AFF2: variants seen among roughly 807,000 people sequenced by gnomAD.
AFF2 encodes ALF transcription elongation factor 2, also known as AF4/FMR2 family member 2.
A neutral mutation model predicts 76.9 loss-of-function variants in AFF2; 14 were observed. The ratio of observed to expected loss-of-function variants is 0.18; its 90% CI spans 0.12 to 0.28. The LOEUF (loss-of-function observed/expected upper bound fraction) is 0.28. Among genes scored for constraint, AFF2 ranks in the 10% least tolerant of loss-of-function variants. The pLI, the probability that AFF2 is intolerant of heterozygous loss-of-function variation, is 1.00. For missense variants in AFF2, 868 were observed against 1,001.1 expected (o/e 0.87, Z 1.79); for synonymous variants, 398 against 366.7 (o/e 1.09, Z -0.98).
intron 1 of AFF2, among the ~76,000 whole-genome samples, chrX:148,630,447 G>T (rs2053968742): frequency 8.9e-6 from 1 of 111,881 alleles, no homozygotes; most frequent in Non-Finnish European, 1.9e-5. Flanking sequence ...TTTCCTCAAA[G>T]ACTTCCCTGA....
intron 1 of AFF2, among the ~76,000 whole-genome samples, chrX:148,557,181 T>G (rs2053061328): frequency 8.9e-6 from 1 of 111,871 alleles, no homozygotes; most frequent in Non-Finnish European, 1.9e-5. Flanking sequence ...TAGTGTATAG[T>G]TTCCTCATAG....
At chrX:148,769,611 T>C (rs1375444205) in intron 3 of AFF2, among the ~76,000 whole-genome samples, 1 of 111,155 alleles carries the variant, frequency 9.0e-6, no homozygotes, top group Non-Finnish European at 1.9e-5. Flanking sequence ...ATCCTCAACT[T>C]GGCTCCTGTT....
intron 3 of AFF2, among the ~76,000 whole-genome samples, chrX:148,727,584 G>A (rs187002718): frequency 1.8e-5 from 2 of 109,976 alleles, no homozygotes; most frequent in Admixed American, 1.9e-4. Flanking sequence ...TGTCCTCTGA[G>A]GTTGGCATTC....
Position 148,743,212 on chromosome X carries a change from C to T in AFF2, c.1042-66664C>T, listed in dbSNP as rs984301410. Among the ~76,000 whole-genome samples the T allele has an allele frequency of 7.1e-5, 8 of 112,059 alleles. No individual in the cohort carries two copies. In the Admixed American group the frequency reaches 7.6e-4, roughly 11 times the overall value. On this transcript the variant is annotated intron_variant, in intron 3 of 20. Coordinates refer to ENST00000370460, the MANE Select transcript of AFF2 (RefSeq NM_002025.4). ...AAACAAATGGTATTACATTATAATG[C>T]TCTAATACAATCAACTGTTGCATGA...
At chrX:148,695,459 A>G (rs1557261197) in intron 3 of AFF2, among the ~76,000 whole-genome samples, 3 of 112,349 alleles carry the variant, frequency 2.7e-5, no homozygotes, top group African/African-American at 9.7e-5. Context: ...AATTTAGGCC[A>G]CAACAGCTTG....
Position 148,802,647 on chromosome X carries a change from A to G in AFF2, c.1042-7229A>G, listed in dbSNP as rs781943996. On this transcript the variant is annotated intron_variant, in intron 3 of 20. Transcript: ENST00000370460. ...GTGAAGAAGTGAATTGTCCCAAATT[A>G]CACAGCTAATTAGTGGTGGAGCTTG... Among the ~76,000 whole-genome samples the G allele has an allele frequency of 2.7e-5, 3 of 112,001 alleles. No homozygotes were observed. The East Asian group carries it at 8.4e-4, about 31-fold the overall frequency.
intron 7 of AFF2, among the ~76,000 whole-genome samples, chrX:148,865,649 A>G (rs1465004663): frequency 2.7e-5 from 3 of 112,111 alleles, no homozygotes; most frequent in African/African-American, 9.7e-5. Flanking sequence ...AAGACCATTT[A>G]TCTGGGTAAC....
chrX:148,565,895 G>C (rs2053164635), intron 1 of AFF2, among the ~76,000 whole-genome samples: 2 of 110,585 alleles, frequency 1.8e-5, no homozygotes, highest in African/African-American at 6.6e-5. Flanking sequence ...AGATCAACAA[G>C]GTTGTTAAAA....
At chrX:148,874,333 G>A (rs782806525) in intron 7 of AFF2, among the ~76,000 whole-genome samples, 11 of 111,533 alleles carry the variant, frequency 9.9e-5, no homozygotes, top group Non-Finnish European at 1.5e-4. Flanking sequence ...GGAAGCAGTG[G>A]CATTTATCAA....
intron 9 of AFF2, among the ~76,000 whole-genome samples, chrX:148,934,900 G>C (rs941758322): frequency 1.8e-5 from 2 of 111,631 alleles, no homozygotes; most frequent in African/African-American, 6.5e-5. Context: ...CGGAGAGAAG[G>C]CTGCAAATAA....
intron 3 of AFF2, among the ~76,000 whole-genome samples, chrX:148,730,511 A>G (rs2055208209): frequency 8.8e-6 from 1 of 113,119 alleles, no homozygotes; most frequent in African/African-American, 3.2e-5. Flanking sequence ...TAGAGTGTTA[A>G]GAAAATTAGG....
At chrX:148,558,420 A>G (rs2053075746) in intron 1 of AFF2, among the ~76,000 whole-genome samples, 1 of 111,272 alleles carries the variant, frequency 9.0e-6, no homozygotes, top group Non-Finnish European at 1.9e-5. Flanking sequence ...GCACCTTTGA[A>G]GCCAGAAGCC....
At chrX:148,822,981 C>T (rs1603306587) in intron 4 of AFF2, among the ~76,000 whole-genome samples, 1 of 111,383 alleles carries the variant, frequency 9.0e-6, no homozygotes, top group Admixed American at 9.6e-5. Context: ...CTTCTCAGGA[C>T]CTGTTGCGTT....
chrX:148,841,381 T>G (rs1483789645), intron 5 of AFF2, among the ~76,000 whole-genome samples: 4 of 112,181 alleles, frequency 3.6e-5, no homozygotes, highest in African/African-American at 1.3e-4. Context: ...AACTGAAGGT[T>G]ATTATTCTAT....
At chrX:148,850,715 T>C (rs2070722407) in intron 7 of AFF2, among the ~76,000 whole-genome samples, 1 of 112,725 alleles carries the variant, frequency 8.9e-6, no homozygotes, top group Non-Finnish European at 1.9e-5. Context: ...TTTCACACAA[T>C]ACATTAGCCC....
At chrX:148,628,677 T>G in intron 1 of AFF2, among the ~76,000 whole-genome samples, 1 of 112,239 alleles carries the variant, frequency 8.9e-6, no homozygotes, top group East Asian at 2.8e-4. Flanking sequence ...ATGATATTTG[T>G]TTCTAGAAGT....
At chrX:148,571,644 A>G (rs1308991298) in intron 1 of AFF2, among the ~76,000 whole-genome samples, 2 of 111,560 alleles carry the variant, frequency 1.8e-5, no homozygotes, top group African/African-American at 3.3e-5. Flanking sequence ...ATGCCAATTA[A>G]AAAAAGGCAC....
chrX:148,850,502 A>G (rs2070719426), intron 7 of AFF2, among the ~76,000 whole-genome samples: 1 of 111,816 alleles, frequency 8.9e-6, no homozygotes, highest in Admixed American at 9.5e-5. Flanking sequence ...GTATAATTGA[A>G]TGTAATGTTG....
chrX:148,559,176 C>A (rs1456740482), intron 1 of AFF2, among the ~76,000 whole-genome samples: 2 of 111,491 alleles, frequency 1.8e-5, no homozygotes, highest in African/African-American at 3.3e-5. Context: ...AGGGTCACAA[C>A]ATTTTAAAAA....
Sources: allele counts gnomAD v4.1 joint callset (sites outside exome capture counted in the v4.1 genomes callset), GRCh38; gene constraint gnomAD v4.1.1; transcripts MANE v1.5; gene names NCBI Gene and HGNC (gene_info 2026-07-23, HGNC 2026-07-21).